The following ARHGEF10 variants were observed in gnomAD, a reference collection of about 807,000 sequenced individuals.
ARHGEF10 encodes the protein Rho guanine nucleotide exchange factor 10.
Under a neutral mutation model 147.4 loss-of-function variants are expected in ARHGEF10, and 140 were observed. The observed-to-expected ratio is 0.95, with a 90% CI of 0.83 to 1.09. The LOEUF is 1.09. Ranked by LOEUF, ARHGEF10 falls within the 50% of genes least tolerant of loss-of-function variation. The probability of loss-of-function intolerance (pLI) is 0.00; values close to 1 mark genes in which losing one functional copy is unlikely to be tolerated. For missense variants in ARHGEF10, 2,222 were observed against 1,752.7 expected, an observed-to-expected ratio of 1.27 and a Z score of -4.78; for synonymous variants, 902 against 695.8, an observed-to-expected ratio of 1.30 and a Z score of -4.67.
intron 4 of ARHGEF10, among the ~76,000 whole-genome samples, chr8:1,861,457 T>C (rs1806125788): frequency 6.6e-6 from 1 of 152,234 alleles, no homozygotes; most frequent in Admixed American, 6.5e-5. Flanking sequence ...GAAGTTTTCC[T>C]TTTTTGCCCA....
At position 1,929,297 on chromosome 8, in the gene ARHGEF10, A is replaced by G; in HGVS notation, c.2933A>G (p.Tyr978Cys). The G allele has an allele frequency of 6.2e-7, 1 of 1,614,146 alleles. No homozygotes were observed. Among genetic ancestry groups the G allele is most frequent in the South Asian group, 1.1e-5 (1 of 91,080 alleles). ...TTTTTCTCTTAAAGCATTTCCATTTATAAAAGCAGTCAAGGCTCCAAGAAA... is the reference window on the plus strand; with the variant it reads ...TTTTTCTCTTAAAGCATTTCCATTTGTAAAAGCAGTCAAGGCTCCAAGAAA... ...VGTEEGSISI[Y>C]KSSQGSKKVR... The change falls in exon 25 of 29, where the codon TAT (tyrosine) becomes TGT (cysteine). Residue 978 changes from tyrosine to cysteine, a missense_variant. Transcript: ENST00000349830.
chr8:1,909,660 C>A (rs557755196), intron 18 of ARHGEF10, among the ~76,000 whole-genome samples, 190 bp downstream of exon 18: 2 of 152,244 alleles, frequency 1.3e-5, no homozygotes, highest in African/African-American at 4.8e-5. Flanking sequence ...CTGCTCATCA[C>A]TGACTTGTCC....
rs1371554243 is a variant in ARHGEF10, at chr8:1,882,729, C to T, written c.1055C>T (p.Thr352Ile). 1 of 1,553,000 alleles carries T rather than the reference C, an allele frequency of 6.4e-7. No individual in the cohort carries two copies. The highest frequency in any genetic ancestry group is 8.7e-7 in the Non-Finnish European group (1 of 1,147,962). Residue 352 changes from threonine (T) to isoleucine (I), a missense_variant, in exon 10 of 29, where the codon ACC becomes ATC. By Grantham distance (89) the Thr-to-Ile change is moderately conservative. Transcript: ENST00000349830. Reference protein sequence around the residue: ...AVKRGRSFIRTKSLIAQDHRS... With the variant: ...AVKRGRSFIRIKSLIAQDHRS... ...AAGAGGGGCCGCTCCTTCATCAGGACCAAGTCTCTCATCGCACAGGGTCCG... is the reference window on the plus strand; with the variant it reads ...AAGAGGGGCCGCTCCTTCATCAGGATCAAGTCTCTCATCGCACAGGGTCCG...
At chr8:1,898,390 T>G in intron 14 of ARHGEF10, 43 bp from the exon 15 acceptor site, 1 of 1,576,494 alleles carries the variant, frequency 6.3e-7, no homozygotes, top group East Asian at 2.2e-5. Flanking sequence ...AGGGAGGGCA[T>G]GGCAGCCCTG....
intron 11 of ARHGEF10, among the ~76,000 whole-genome samples, chr8:1,887,919 G>A (rs115633917): frequency 1.5e-4 from 22 of 150,924 alleles, no homozygotes; most frequent in African/African-American, 4.6e-4. Context: ...AGTGGGGTGC[G>A]GGTCATCAGG....
chr8:1,833,338 G>A (rs112351945), intron 1 of ARHGEF10, among the ~76,000 whole-genome samples: 26 of 90,756 alleles, frequency 2.9e-4, no homozygotes, highest in African/African-American at 1.0e-3. Flanking sequence ...AGAGACAGAG[G>A]CAGAGACAGA....
intron 14 of ARHGEF10, among the ~76,000 whole-genome samples, chr8:1,896,749 G>T (rs990193921): frequency 6.6e-6 from 1 of 152,188 alleles, no homozygotes; most frequent in African/African-American, 2.4e-5. Context: ...ACTGTCCTTC[G>T]GTATGGTATT....
At chr8:1,885,430 T>C (rs955284197) in intron 10 of ARHGEF10, among the ~76,000 whole-genome samples, 171 bp from the exon 11 acceptor site, 9 of 152,232 alleles carry the variant, frequency 5.9e-5, no homozygotes, top group Non-Finnish European at 1.0e-4. Flanking sequence ...CTGGAAAGAA[T>C]ATTTTATTGG....
chr8:1,873,947 C>G (rs1354148986), intron 7 of ARHGEF10, among the ~76,000 whole-genome samples: 6 of 152,148 alleles, frequency 3.9e-5, no homozygotes, highest in Non-Finnish European at 8.8e-5. Context: ...TAGGTACGCT[C>G]ACTGTACAGC....
chr8:1,952,858 A>G, intron 28 of ARHGEF10, 31 bp downstream of exon 28: 1 of 1,613,580 alleles, frequency 6.2e-7, no homozygotes. Context: ...GAGTGGCTGC[A>G]TCCTGTCTTG....
chr8:1,862,606 G>C (rs1392954062), intron 4 of ARHGEF10, among the ~76,000 whole-genome samples: 5 of 152,214 alleles, frequency 3.3e-5, no homozygotes, highest in African/African-American at 1.2e-4. Flanking sequence ...GGGCTCATGT[G>C]TGTGCTCTGG....
rs746598494 is a variant in ARHGEF10 at position 1,905,600 on chromosome 8, T to G, written c.1851T>G (p.Ile617Met). Residue 617 changes from isoleucine to methionine, a missense_variant, in exon 17 of 29, where the codon ATT becomes ATG. Coordinates refer to ENST00000349830, the MANE Select transcript of ARHGEF10 (RefSeq NM_014629.4). ...KLLSSGSRYLIRSDDMIETVY... is the reference protein window; with the variant it reads ...KLLSSGSRYLMRSDDMIETVY... ...TCAGCAGTGGAAGCCGATACCTCAT[T>G]CGATCAGATGATATGATAGAAACAG... 1.2e-6 allele frequency: 2 copies of G among 1,614,196 alleles called. No individual in the cohort carries two copies. Among genetic ancestry groups the G allele is most frequent in the South Asian group, 2.2e-5 (2 of 91,080 alleles).
At chr8:1,869,038 C>G (rs1160101595) in intron 6 of ARHGEF10, among the ~76,000 whole-genome samples, 156 bp from the exon 7 acceptor site, 2 of 151,102 alleles carry the variant, frequency 1.3e-5, no homozygotes, top group Admixed American at 6.6e-5. Context: ...CTAGTTGGGA[C>G]AAAGAACGAA....
intron 26 of ARHGEF10, among the ~76,000 whole-genome samples, chr8:1,944,752 C>T (rs1012438764): frequency 9.9e-5 from 15 of 152,248 alleles, no homozygotes; most frequent in Non-Finnish European, 2.2e-4. Context: ...TCCCAGCCCT[C>T]ACCCTCTGTC....
chr8:1,849,013 T>C (rs1401610238), intron 2 of ARHGEF10, among the ~76,000 whole-genome samples: 1 of 152,226 alleles, frequency 6.6e-6, no homozygotes, highest in Non-Finnish European at 1.5e-5. Context: ...GCTCCGTGGC[T>C]TTTACTGTAT....
rs375476470 is a variant in ARHGEF10 at position 1,905,693 on chromosome 8, A to G, written c.1944A>G (p.Leu648=). The G allele has an allele frequency of 1.9e-6, 3 of 1,613,948 alleles. No individual in the cohort carries two copies. The African/African-American group carries it at 4.0e-5, about 22-fold the overall frequency. Reference sequence around the variant, plus strand: ...GAGTCTTCATGTTAAATGATGTGTTAATGTGTGCCACCGTCAGCTCACGGT... The same window carrying G: ...GAGTCTTCATGTTAAATGATGTGTTGATGTGTGCCACCGTCAGCTCACGGT... ...ERRVFMLNDV[L]MCATVSSRPS... Residue 648 remains leucine (L), a synonymous_variant, in exon 17 of 29, where the codon TTA becomes TTG. Coordinates refer to ENST00000349830, the MANE Select transcript of ARHGEF10 (RefSeq NM_014629.4).
intron 18 of ARHGEF10, among the ~76,000 whole-genome samples, chr8:1,916,517 T>C (rs546365468): frequency 7.9e-5 from 12 of 152,200 alleles, no homozygotes; most frequent in South Asian, 2.1e-4. Context: ...CTTATTGTTC[T>C]TCTCTGTTCA....
intron 5 of ARHGEF10, among the ~76,000 whole-genome samples, chr8:1,866,031 G>T (rs1806578242): frequency 6.6e-6 from 1 of 152,222 alleles, no homozygotes; most frequent in East Asian, 1.9e-4. Context: ...CCCTGTGTGT[G>T]TGGGACTCTG....
At chr8:1,834,225 G>A (rs1026473470) in intron 1 of ARHGEF10, among the ~76,000 whole-genome samples, 13 of 152,216 alleles carry the variant, frequency 8.5e-5, no homozygotes, top group African/African-American at 2.4e-4. Context: ...GGGCCCAGGC[G>A]GGTTGATTCT....
Sources: allele counts gnomAD v4.1 joint callset (sites outside exome capture counted in the v4.1 genomes callset), GRCh38; gene constraint gnomAD v4.1.1; transcripts MANE v1.5; gene names NCBI Gene and HGNC (gene_info 2026-07-23, HGNC 2026-07-21).